Variants in TFAP2D observed in about 807,000 individuals in gnomAD.
The protein encoded by TFAP2D is transcription factor AP-2 delta.
Under a neutral mutation model 43.6 loss-of-function variants are expected in TFAP2D, and 9 were observed. That is an observed-to-expected ratio of 0.21 (90% CI 0.12 to 0.36). The LOEUF is 0.36. Ranked by LOEUF, TFAP2D falls within the 10% of genes least tolerant of loss-of-function variation. The pLI, the probability that TFAP2D is intolerant of heterozygous loss-of-function variation, is 1.00. For synonymous variants in TFAP2D, 256 were observed against 224.9 expected (o/e 1.14, Z -1.24); for missense variants, 513 against 561.4 (o/e 0.91, Z 0.87).
intron 3 of TFAP2D, among the ~76,000 whole-genome samples, chr6:50,722,385 T>A (rs181490710): frequency 5.9e-5 from 9 of 152,260 alleles, no homozygotes; most frequent in Admixed American, 5.2e-4. Context: ...ACGTACAGAG[T>A]GGAGCTTTGC....
At chr6:50,760,121 C>A (rs1339651647) in intron 7 of TFAP2D, among the ~76,000 whole-genome samples, 1 of 151,914 alleles carries the variant, frequency 6.6e-6, no homozygotes, top group Non-Finnish European at 1.5e-5. Flanking sequence ...GAGGTAATAC[C>A]TAGCCACAGT....
intron 3 of TFAP2D, among the ~76,000 whole-genome samples, chr6:50,726,595 C>A (rs1011262892): frequency 6.6e-6 from 1 of 152,174 alleles, no homozygotes; most frequent in African/African-American, 2.4e-5. Flanking sequence ...ACATTGATTT[C>A]TCTTTGTTTA....
intron 5 of TFAP2D, among the ~76,000 whole-genome samples, chr6:50,741,785 C>T (rs1192846205): frequency 6.9e-6 from 1 of 145,752 alleles, no homozygotes; most frequent in Non-Finnish European, 1.5e-5. Context: ...AAAAAAAGAA[C>T]AAGAACAAGG....
intron 7 of TFAP2D, among the ~76,000 whole-genome samples, chr6:50,768,430 C>T (rs1194079139): frequency 6.6e-6 from 1 of 150,694 alleles, no homozygotes; most frequent in South Asian, 2.1e-4. Context: ...GGTTCCTGGG[C>T]TTAAGTGATC....
chr6:50,760,720 C>T (rs967235191), intron 7 of TFAP2D, among the ~76,000 whole-genome samples: 1 of 151,972 alleles, frequency 6.6e-6, no homozygotes, highest in Non-Finnish European at 1.5e-5. Context: ...AGAATAGATG[C>T]CATTGAGTTC....
chr6:50,713,622 G>GA lies in TFAP2D; in HGVS notation c.-428dup, dbSNP rs200433197. Among the ~76,000 whole-genome samples, 1,627 of 152,218 alleles carry GA rather than the reference G, an allele frequency of 0.011. 46 individuals carry two copies. Among genetic ancestry groups the GA allele is most frequent in the South Asian group, 0.05 (239 of 4,808 alleles). On this transcript the variant is annotated 5_prime_UTR_variant, in exon 1 of 8. The change creates a new upstream start codon in the 5' untranslated region. Transcript: ENST00000008391. ...GTATAGAAAAGCATGATAAAGGTTG[G>GA]AAAAAATGGATAAAAATGTTGAAAG...
At chr6:50,772,436 C>T (rs1009343150) in intron 7 of TFAP2D, among the ~76,000 whole-genome samples, 10 of 152,148 alleles carry the variant, frequency 6.6e-5, no homozygotes, top group African/African-American at 1.4e-4. Context: ...ACTCTATTAA[C>T]GACAAGTCTT....
intron 5 of TFAP2D, 33 bp downstream of exon 5, chr6:50,729,345 G>T: frequency 6.4e-7 from 1 of 1,572,190 alleles, no homozygotes; most frequent in South Asian, 1.1e-5. Flanking sequence ...AATAATGCTG[G>T]AAGGTTGGCG....
At chr6:50,750,069 T>C (rs533038746) in intron 6 of TFAP2D, among the ~76,000 whole-genome samples, 7 of 152,054 alleles carry the variant, frequency 4.6e-5, no homozygotes, top group East Asian at 1.9e-4. Flanking sequence ...AAATTTTAGA[T>C]ACCTGATTAA....
At chr6:50,735,637 T>A (rs1768951894) in intron 5 of TFAP2D, among the ~76,000 whole-genome samples, 4 of 152,100 alleles carry the variant, frequency 2.6e-5, no homozygotes, top group Admixed American at 2.6e-4. Context: ...AGTTACAAGA[T>A]TCCCCTACAA....
At chr6:50,747,051 A>T (rs1341557352) in intron 6 of TFAP2D, among the ~76,000 whole-genome samples, 1 of 152,166 alleles carries the variant, frequency 6.6e-6, no homozygotes. Context: ...ATCTGGGAAT[A>T]AATTTTGTGA....
At chr6:50,726,677 C>T (rs529667922) in intron 3 of TFAP2D, among the ~76,000 whole-genome samples, 1 of 152,102 alleles carries the variant, frequency 6.6e-6, no homozygotes, top group Non-Finnish European at 1.5e-5. Context: ...GACTCTACAC[C>T]ACAGATTCAT....
At chr6:50,772,482 C>A (rs1336411958) in intron 7 of TFAP2D, among the ~76,000 whole-genome samples, 163 bp from the exon 8 acceptor site, 1 of 152,150 alleles carries the variant, frequency 6.6e-6, no homozygotes, top group Non-Finnish European at 1.5e-5. Flanking sequence ...TAGTCAAGAG[C>A]AATACCTTCA....
At chr6:50,727,128 C>G (rs1391725833) in intron 3 of TFAP2D, among the ~76,000 whole-genome samples, 1 of 152,128 alleles carries the variant, frequency 6.6e-6, no homozygotes, top group Non-Finnish European at 1.5e-5. Context: ...GATTACTCTT[C>G]TGGTTTTTGT....
chr6:50,763,239 G>T (rs1769390524), intron 7 of TFAP2D, among the ~76,000 whole-genome samples: 1 of 152,032 alleles, frequency 6.6e-6, no homozygotes, highest in South Asian at 2.1e-4. Flanking sequence ...AATCTATGAT[G>T]CCTTCAATCA....
At chr6:50,729,607 G>T (rs1042071469) in intron 5 of TFAP2D, among the ~76,000 whole-genome samples, 1 of 152,110 alleles carries the variant, frequency 6.6e-6, no homozygotes, top group Non-Finnish European at 1.5e-5. Context: ...AATTGGCAGC[G>T]CTCTTGTCAT....
At chr6:50,756,721 A>G (rs1769270401) in intron 7 of TFAP2D, among the ~76,000 whole-genome samples, 1 of 152,006 alleles carries the variant, frequency 6.6e-6, no homozygotes. Flanking sequence ...TGTTGTAGAG[A>G]ACACAGCAGA....
chr6:50,769,778 A>C (rs550733756), intron 7 of TFAP2D, among the ~76,000 whole-genome samples: 2 of 152,320 alleles, frequency 1.3e-5, no homozygotes, highest in African/African-American at 4.8e-5. Context: ...CCAATTTCTC[A>C]GGCAAATTAT....
intron 3 of TFAP2D, among the ~76,000 whole-genome samples, chr6:50,722,660 T>A (rs181031828): frequency 2.1e-3 from 324 of 152,044 alleles, no homozygotes; most frequent in Middle Eastern, 3.4e-3. Flanking sequence ...AATAAATGGA[T>A]CCATATTGGA....
Sources: allele counts gnomAD v4.1 joint callset (sites outside exome capture counted in the v4.1 genomes callset), GRCh38; gene constraint gnomAD v4.1.1; transcripts MANE v1.5; gene names NCBI Gene and HGNC (gene_info 2026-07-23, HGNC 2026-07-21).